Variants in TECPR2 observed in about 807,000 individuals in gnomAD.
TECPR2 encodes tectonin beta-propeller repeat-containing protein 2.
Under a neutral mutation model 138.1 loss-of-function variants are expected in TECPR2, and 65 were observed. The ratio of observed to expected loss-of-function variants is 0.47; its 90% CI spans 0.39 to 0.58. TECPR2 has a LOEUF of 0.58. Ranked by LOEUF, TECPR2 falls within the 20% of genes least tolerant of loss-of-function variation. The pLI is 0.00. For synonymous variants in TECPR2, 746 were observed against 749.8 expected, an observed-to-expected ratio of 0.99 and a Z score of 0.08; for missense variants, 1,553 against 1,824.5, an observed-to-expected ratio of 0.85 and a Z score of 2.71.
intron 1 of TECPR2, among the ~76,000 whole-genome samples, chr14:102,376,012 G>A (rs1887631049): frequency 6.6e-6 from 1 of 152,208 alleles, no homozygotes; most frequent in Non-Finnish European, 1.5e-5. Flanking sequence ...GTGCAAGTGG[G>A]TGGGTCTCCA....
rs1220957021 is a variant in TECPR2 at position 102,500,294 on chromosome 14, C to G, written c.*2037C>G. The G allele has an allele frequency of 6.6e-6, 1 of 152,418 alleles. No individual in the cohort carries two copies. The highest frequency in any genetic ancestry group is 1.5e-5 in the Non-Finnish European group (1 of 68,088). 9.4% of individuals were successfully genotyped at this position (152,418 alleles called of 1,614,324 possible). A position where few individuals can be genotyped will look rare whatever the true frequency, so the allele number is the denominator to read the frequency against. On this transcript the variant is annotated 3_prime_UTR_variant, in exon 20 of 20. Transcript: ENST00000359520. ...CCACAGGGAGAGTGCGTCAGCAGAC[C>G]TGTCCTGGCCTGGCTGGTGTTGAAA...
In TECPR2 at chr14:102,415,053, T is replaced by TCAG. The variant is rs1270663553; in HGVS notation, c.638+262_638+264dup. On this transcript the variant is annotated intron_variant, in intron 5 of 19. Coordinates refer to ENST00000359520, the MANE Select transcript of TECPR2 (RefSeq NM_014844.5). This position sits in a 1 kb window ranked among gnomAD's most constrained non-coding sequence, Gnocchi z 4.3. ...CACTCTGCCTCTCAGGGTGCCACAGTCAGCGCAGAGAAGCCTCAGGGGTGG... is the reference window on the plus strand; with the variant it reads ...CACTCTGCCTCTCAGGGTGCCACAGTCAGCAGCGCAGAGAAGCCTCAGGGGTGG... Among the ~76,000 whole-genome samples the TCAG allele has an allele frequency of 6.6e-6, 1 of 152,152 alleles. No homozygotes were observed. The highest frequency in any genetic ancestry group is 6.5e-5 in the Admixed American group (1 of 15,276).
At chr14:102,384,682 A>AT (rs1249775564) in intron 2 of TECPR2, among the ~76,000 whole-genome samples, 1 of 147,638 alleles carries the variant, frequency 6.8e-6, no homozygotes, top group African/African-American at 2.5e-5. Flanking sequence ...ACCTCAAAAA[A>AT]AAATATATAT....
chr14:102,470,755 T>C (rs932303971), intron 17 of TECPR2, among the ~76,000 whole-genome samples: 15 of 149,396 alleles, frequency 1.0e-4, no homozygotes, highest in Non-Finnish European at 1.8e-4. Context: ...TTCTCCTGCC[T>C]CAGCCTCCCA....
chr14:102,463,390 C>T lies in TECPR2; in HGVS notation c.3641-1751C>T, dbSNP rs540444345. 7.4e-3 allele frequency among the ~76,000 whole-genome samples: 996 copies of T among 135,210 alleles called. 6 individuals carry two copies. The highest frequency in any genetic ancestry group is 0.011 in the Non-Finnish European group (748 of 65,712). The allele number at this position is 135,210 out of a possible 152,430, so 88.7% of individuals were successfully genotyped here. ...CGAGATCCCGCCACTGCACTCCAGC[C>T]TGGGCGACAGAGCGAGACTCCGTCT... On this transcript the variant is annotated intron_variant, in intron 16 of 19. Coordinates refer to ENST00000359520, the MANE Select transcript of TECPR2 (RefSeq NM_014844.5).
chr14:102,449,957 C>T (rs1028354636), intron 14 of TECPR2, 88 bp downstream of exon 14: 3 of 1,552,248 alleles, frequency 1.9e-6, no homozygotes, highest in Non-Finnish European at 2.6e-6. Context: ...AAGATCTCAA[C>T]TTGAAAAGAT....
chr14:102,496,881 G>A, intron 17 of TECPR2, 98 bp from the exon 18 acceptor site: 2 of 1,536,740 alleles, frequency 1.3e-6, no homozygotes, highest in Non-Finnish European at 1.8e-6. Flanking sequence ...ACTGGCTGCT[G>A]CATGCTGCCA....
chr14:102,427,190 C>G (rs1889346119), intron 6 of TECPR2, among the ~76,000 whole-genome samples: 2 of 152,056 alleles, frequency 1.3e-5, no homozygotes, highest in Admixed American at 1.3e-4. Flanking sequence ...ATTTTTGCAC[C>G]CTTTCCTCAG....
intron 17 of TECPR2, among the ~76,000 whole-genome samples, chr14:102,467,319 A>ATTT (rs35221234): frequency 6.0e-4 from 69 of 114,342 alleles, no homozygotes; most frequent in African/African-American, 1.4e-3. Flanking sequence ...ATCCTCACCA[A>ATTT]TTTTTTTTTT....
intron 2 of TECPR2, among the ~76,000 whole-genome samples, chr14:102,380,710 G>T (rs533545183): frequency 6.6e-6 from 1 of 152,264 alleles, no homozygotes; most frequent in Non-Finnish European, 1.5e-5. Flanking sequence ...ACGGAGTCTC[G>T]CTCTGTCGCC....
At chr14:102,450,768 G>C in intron 15 of TECPR2, 119 bp downstream of exon 15, 1 of 989,500 alleles carries the variant, frequency 1.0e-6, no homozygotes, top group Non-Finnish European at 1.5e-6. Context: ...GACTGACCAC[G>C]TGAGGGTGTC....
intron 4 of TECPR2, among the ~76,000 whole-genome samples, chr14:102,413,881 C>G (rs1158640232): frequency 6.6e-6 from 1 of 151,972 alleles, no homozygotes; most frequent in Non-Finnish European, 1.5e-5. Flanking sequence ...TCACTGTAAC[C>G]TGAACTCCTG....
In TECPR2 at chr14:102,422,962, CTT is replaced by C. The variant is rs562977516; in HGVS notation, c.639-2016_639-2015del. Among the ~76,000 whole-genome samples the C allele has an allele frequency of 3.4e-3, 515 of 152,288 alleles. 5 individuals carry two copies. Among genetic ancestry groups the C allele is most frequent in the African/African-American group, 0.012 (486 of 41,560 alleles). Reference sequence around the variant, plus strand: ...TGAAAAAATTCCTATCAGCTGGTGTCTTAGCGCCACACATTACGTGTTCTGTT... The same window carrying C: ...TGAAAAAATTCCTATCAGCTGGTGTCAGCGCCACACATTACGTGTTCTGTT... On this transcript the variant is annotated intron_variant, in intron 5 of 19. Transcript: ENST00000359520.
chr14:102,392,437 T>G (rs1888203542), intron 2 of TECPR2, among the ~76,000 whole-genome samples: 1 of 152,256 alleles, frequency 6.6e-6, no homozygotes, highest in Non-Finnish European at 1.5e-5. Context: ...TACTTTTTTT[T>G]CCAGCTGTGA....
intron 1 of TECPR2, among the ~76,000 whole-genome samples, chr14:102,365,665 A>G (rs1312183033): frequency 6.6e-6 from 1 of 152,246 alleles, no homozygotes; most frequent in African/African-American, 2.4e-5. Flanking sequence ...AATCTCCAGA[A>G]TAGGCGAACT....
chr14:102,376,208 C>T (rs1395237458), intron 1 of TECPR2, among the ~76,000 whole-genome samples: 2 of 152,144 alleles, frequency 1.3e-5, no homozygotes, highest in Admixed American at 1.3e-4. Context: ...ATATCCTGTC[C>T]AACCTGGTGG....
In TECPR2 at chr14:102,384,683, A is replaced by AT. The variant is rs1182229727; in HGVS notation, c.219+7743_219+7744insT. On this transcript the variant is annotated intron_variant, in intron 2 of 19. Coordinates refer to ENST00000359520, the MANE Select transcript of TECPR2 (RefSeq NM_014844.5). The stretch of plus-strand genomic sequence containing the variant: ...TGGAGCAAGACACCACCTCAAAAAA[A>AT]AATATATATATATATATGTGTGTGT... 6.7e-5 allele frequency among the ~76,000 whole-genome samples: 10 copies of AT among 148,224 alleles called. 1 individual carries two copies. The highest frequency in any genetic ancestry group is 2.1e-4 in the South Asian group (1 of 4,656).
intron 17 of TECPR2, among the ~76,000 whole-genome samples, chr14:102,476,396 A>C (rs532385082): frequency 2.0e-5 from 3 of 151,886 alleles, no homozygotes; most frequent in Non-Finnish European, 4.4e-5. Context: ...AAAACAAAAA[A>C]CAACAACTCA....
intron 2 of TECPR2, among the ~76,000 whole-genome samples, chr14:102,390,803 A>AATATATATAT (rs10570260): frequency 6.7e-6 from 1 of 148,744 alleles, no homozygotes; most frequent in African/African-American, 2.5e-5. Flanking sequence ...TCAGGGGAAG[A>AATATATATAT]ATATATATAT....
Sources: gnomAD v4.1 joint callset for allele counts (sites outside exome capture counted in the v4.1 genomes callset) on GRCh38, gnomAD v4.1.1 for gene constraint, Gnocchi (gnomAD v3.1) non-coding constraint, MANE v1.5 for transcripts, NCBI Gene and HGNC (gene_info 2026-07-23, HGNC 2026-07-21) for gene names.